SLC36A1: variants seen among roughly 807,000 people sequenced by gnomAD.
The protein encoded by SLC36A1 is solute carrier family 36 member 1.
Under a neutral mutation model 47.5 loss-of-function variants are expected in SLC36A1, and 30 were observed. That is an observed-to-expected ratio of 0.63 (90% CI 0.47 to 0.86). The LOEUF (loss-of-function observed/expected upper bound fraction) is 0.86, where lower values mean the gene tolerates loss of function less well. Among genes scored for constraint, SLC36A1 ranks in the 40% least tolerant of loss-of-function variants. The probability of loss-of-function intolerance (pLI) is 0.00; values close to 1 mark genes in which losing one functional copy is unlikely to be tolerated. For missense variants in SLC36A1, 517 were observed against 606.0 expected (o/e 0.85, Z 1.54); for synonymous variants, 255 against 249.7 (o/e 1.02, Z -0.20).
intron 10 of SLC36A1, chr5:151,479,794 G>A (rs1252727869): frequency 3.8e-6 from 2 of 527,394 alleles, no homozygotes; most frequent in Non-Finnish European, 6.6e-6. Context: ...ATTAAATAAG[G>A]TAAAGGTCTG....
the SLC36A1 span, among the ~76,000 whole-genome samples, chr5:151,512,949 C>T: frequency 6.6e-6 from 1 of 152,196 alleles, no homozygotes; most frequent in Non-Finnish European, 1.5e-5. This position sits in a 1 kb window ranked among gnomAD's most constrained non-coding sequence, Gnocchi z 4.1. Flanking sequence ...TGAATATTGG[C>T]CTTCAGCGAT....
At chr5:151,492,949 C>T (rs982552719), downstream of SLC36A1, among the ~76,000 whole-genome samples, 5 of 152,150 alleles carry the variant, frequency 3.3e-5, no homozygotes, top group African/African-American at 1.2e-4. Context: ...CTCATACGGT[C>T]ATGGGAGCCA....
intron 1 of SLC36A1, chr5:151,450,873 C>A (rs1469271369): frequency 6.6e-6 from 1 of 152,254 alleles, no homozygotes; most frequent in African/African-American, 2.4e-5. Flanking sequence ...GCCAGCTTTT[C>A]TCTTTTTCCC....
At chr5:151,421,367 G>A in the SLC36A1 span, among the ~76,000 whole-genome samples, 48 of 149,012 alleles carry the variant, frequency 3.2e-4, no homozygotes, top group Admixed American at 2.5e-3. Context: ...TCAGCCTCCC[G>A]AGTAGCTGGA....
chr5:151,550,571 GA>G, the SLC36A1 span: 1 of 1,613,392 alleles, frequency 6.2e-7, no homozygotes, highest in Non-Finnish European at 8.5e-7. Flanking sequence ...ATTCTCACCA[GA>G]TTTTTCCATT....
the SLC36A1 span, among the ~76,000 whole-genome samples, chr5:151,345,208 G>A: frequency 2.6e-5 from 4 of 152,184 alleles, no homozygotes; most frequent in Admixed American, 1.3e-4. Context: ...GGGTTTACAC[G>A]TGCAACTTTA....
At chr5:151,380,482 A>G in the SLC36A1 span, 78 of 463,460 alleles carry the variant, frequency 1.7e-4, no homozygotes, top group Non-Finnish European at 3.0e-4. Context: ...ACATGTGCCT[A>G]TCCAAGAGCA....
At chr5:151,380,628 T>C in the SLC36A1 span, 2 of 552,238 alleles carry the variant, frequency 3.6e-6, no homozygotes, top group Non-Finnish European at 7.4e-6. Flanking sequence ...AGTTTGTAGA[T>C]GCAGTAGTGG....
At chr5:151,500,916 A>C in the SLC36A1 span, among the ~76,000 whole-genome samples, 4 of 152,162 alleles carry the variant, frequency 2.6e-5, no homozygotes, top group African/African-American at 9.7e-5. Flanking sequence ...TCTGGTGGCT[A>C]ATCTGTGAAG....
At chr5:151,355,515 G>A in the SLC36A1 span, among the ~76,000 whole-genome samples, 3 of 152,000 alleles carry the variant, frequency 2.0e-5, no homozygotes, top group East Asian at 3.9e-4. Flanking sequence ...GCTCACACAC[G>A]TATACCCCAG....
At chr5:151,530,728 CAG>C in the SLC36A1 span, among the ~76,000 whole-genome samples, 1 of 152,116 alleles carries the variant, frequency 6.6e-6, no homozygotes, top group African/African-American at 2.4e-5. Flanking sequence ...TCTTATTATA[CAG>C]AGATACACAC....
chr5:151,403,137 G>A, the SLC36A1 span, among the ~76,000 whole-genome samples: 2 of 152,054 alleles, frequency 1.3e-5, no homozygotes, highest in Non-Finnish European at 2.9e-5. Flanking sequence ...CTTGGTGTAG[G>A]CATTTAGTGC....
At chr5:151,444,717 C>T (rs540280100), upstream of SLC36A1, among the ~76,000 whole-genome samples, 39 of 152,284 alleles carry the variant, frequency 2.6e-4, no homozygotes, top group Middle Eastern at 0.014. Context: ...AACTCCTGAC[C>T]TCAGGTGACC....
chr5:151,526,375 C>G, the SLC36A1 span, among the ~76,000 whole-genome samples: 1 of 152,176 alleles, frequency 6.6e-6, no homozygotes, highest in Admixed American at 6.5e-5. Context: ...TGATTTCTTC[C>G]TTAGAGGACC....
the SLC36A1 span, among the ~76,000 whole-genome samples, chr5:151,407,135 C>A: frequency 2.0e-5 from 3 of 151,838 alleles, no homozygotes; most frequent in Non-Finnish European, 4.4e-5. Flanking sequence ...GGTAGTATGG[C>A]CCCAAAGAGT....
chr5:151,484,178 G>A (rs777589142), intron 10 of SLC36A1, among the ~76,000 whole-genome samples: 2 of 152,122 alleles, frequency 1.3e-5, no homozygotes, highest in Admixed American at 6.5e-5. Context: ...CATATGTCCT[G>A]CTAGGTCAGT....
intron 7 of SLC36A1, among the ~76,000 whole-genome samples, chr5:151,472,527 A>G (rs972657390): frequency 5.9e-5 from 9 of 152,254 alleles, no homozygotes; most frequent in East Asian, 1.9e-4. Context: ...CAACCTTAAC[A>G]TTGTACCTGC....
At chr5:151,539,789 C>A in the SLC36A1 span, among the ~76,000 whole-genome samples, 1 of 152,248 alleles carries the variant, frequency 6.6e-6, no homozygotes. Flanking sequence ...AGCTCCTCTC[C>A]TGACAAACAC....
chr5:151,492,479 A>C (rs536257323), downstream of SLC36A1: 8 of 151,120 alleles, frequency 5.3e-5, no homozygotes, highest in East Asian at 1.4e-3. Context: ...CACAGAGTTC[A>C]TATGGCAAAG....
Sources: allele counts gnomAD v4.1 joint callset (sites outside exome capture counted in the v4.1 genomes callset), GRCh38; gene constraint gnomAD v4.1.1; non-coding constraint Gnocchi (gnomAD v3.1); transcripts MANE v1.5; gene names NCBI Gene and HGNC (gene_info 2026-07-23, HGNC 2026-07-21).